The following ABTB3 variants were observed in gnomAD, a reference collection of about 807,000 sequenced individuals.
The protein encoded by ABTB3 is ankyrin repeat- and BTB/POZ domain-containing protein 3.
chr12:107,323,089 G>A, the ABTB3 span, among the ~76,000 whole-genome samples: 1 of 152,194 alleles, frequency 6.6e-6, no homozygotes, highest in Non-Finnish European at 1.5e-5. Flanking sequence ...ATGATGTCCT[G>A]AAAGAAGCTA....
At chr12:107,331,638 G>C in the ABTB3 span, among the ~76,000 whole-genome samples, 1 of 152,196 alleles carries the variant, frequency 6.6e-6, no homozygotes, top group Non-Finnish European at 1.5e-5. Context: ...AGTGTGATCT[G>C]TGCACAGGTG....
At chr12:107,545,823 C>T in the ABTB3 span, among the ~76,000 whole-genome samples, 9 of 152,200 alleles carry the variant, frequency 5.9e-5, no homozygotes, top group Non-Finnish European at 8.8e-5. Flanking sequence ...TGGCCTCAGC[C>T]TATGGAGTGT....
the ABTB3 span, among the ~76,000 whole-genome samples, chr12:107,603,196 C>T: frequency 6.6e-6 from 1 of 152,196 alleles, no homozygotes; most frequent in Non-Finnish European, 1.5e-5. Flanking sequence ...TCTGGAAAGA[C>T]TGTATGGGGC....
At chr12:107,527,296 A>T in the ABTB3 span, among the ~76,000 whole-genome samples, 3 of 151,414 alleles carry the variant, frequency 2.0e-5, no homozygotes, top group African/African-American at 4.9e-5. Flanking sequence ...TTTGAGACGG[A>T]GTCTCACTGT....
the ABTB3 span, among the ~76,000 whole-genome samples, chr12:107,528,203 G>A: frequency 6.6e-6 from 1 of 152,186 alleles, no homozygotes; most frequent in African/African-American, 2.4e-5. Context: ...AGATGATCCT[G>A]AGTCAGGTAG....
chr12:107,642,064 T>TA, the ABTB3 span: 311 of 1,604,918 alleles, frequency 1.9e-4, 3 homozygotes, highest in Middle Eastern at 1.7e-4. Context: ...GAGTCTTTTT[T>TA]ATCTCTTTTT....
At chr12:107,594,612 C>A in the ABTB3 span, among the ~76,000 whole-genome samples, 1 of 152,090 alleles carries the variant, frequency 6.6e-6, no homozygotes, top group Non-Finnish European at 1.5e-5. Context: ...ATTTGTTCAT[C>A]TTTTTGCTAC....
chr12:107,363,443 A>C, the ABTB3 span, among the ~76,000 whole-genome samples: 1,022 of 152,352 alleles, frequency 6.7e-3, 9 homozygotes, highest in African/African-American at 0.023. Flanking sequence ...CTGTTAAAGA[A>C]ATAATTTTTG....
chr12:107,368,927 T>A, the ABTB3 span, among the ~76,000 whole-genome samples: 1 of 152,210 alleles, frequency 6.6e-6, no homozygotes, highest in Non-Finnish European at 1.5e-5. Context: ...AGACCATTTT[T>A]CTATTGCATT....
At chr12:107,559,749 C>T in the ABTB3 span, among the ~76,000 whole-genome samples, 1 of 152,136 alleles carries the variant, frequency 6.6e-6, no homozygotes, top group Admixed American at 6.6e-5. Flanking sequence ...GTATACAGTT[C>T]CCTGGATTTT....
At chr12:107,374,274 T>C in the ABTB3 span, among the ~76,000 whole-genome samples, 1 of 152,190 alleles carries the variant, frequency 6.6e-6, no homozygotes, top group East Asian at 1.9e-4. Flanking sequence ...TTACAGCCCC[T>C]GCCTGACTTC....
chr12:107,322,834 G>A, the ABTB3 span, among the ~76,000 whole-genome samples: 1 of 150,998 alleles, frequency 6.6e-6, no homozygotes, highest in Non-Finnish European at 1.5e-5. Flanking sequence ...ACTCTTTAGT[G>A]ACAGATGAGT....
chr12:107,649,233 G>T, the ABTB3 span: 12 of 1,613,650 alleles, frequency 7.4e-6, no homozygotes, highest in Non-Finnish European at 9.3e-6. Context: ...CTACTATGGT[G>T]GCCCAGAGTC....
chr12:107,507,752 T>C, the ABTB3 span, among the ~76,000 whole-genome samples: 2 of 152,168 alleles, frequency 1.3e-5, no homozygotes, highest in Non-Finnish European at 2.9e-5. Flanking sequence ...TCCCTCCAGT[T>C]TGGACTTCCC....
the ABTB3 span, among the ~76,000 whole-genome samples, chr12:107,635,645 A>G: frequency 6.6e-6 from 1 of 152,116 alleles, no homozygotes; most frequent in African/African-American, 2.4e-5. Context: ...GGGGGCTGCC[A>G]AAGGCCTCCT....
At chr12:107,356,243 A>G in the ABTB3 span, among the ~76,000 whole-genome samples, 1 of 152,204 alleles carries the variant, frequency 6.6e-6, no homozygotes, top group Non-Finnish European at 1.5e-5. Flanking sequence ...TCATCTTAGT[A>G]TCCTTACCAC....
the ABTB3 span, among the ~76,000 whole-genome samples, chr12:107,340,562 G>A: frequency 6.6e-6 from 1 of 152,062 alleles, no homozygotes; most frequent in African/African-American, 2.4e-5. Context: ...CTGGAGGTGG[G>A]GAAGGGAAAA....
the ABTB3 span, among the ~76,000 whole-genome samples, chr12:107,411,035 C>T: frequency 5.9e-5 from 9 of 152,290 alleles, no homozygotes; most frequent in South Asian, 4.1e-4. Flanking sequence ...CTTGGTGGCT[C>T]ATGCCCGTAA....
At chr12:107,480,425 A>G in the ABTB3 span, among the ~76,000 whole-genome samples, 5 of 152,274 alleles carry the variant, frequency 3.3e-5, no homozygotes, top group African/African-American at 1.2e-4. Context: ...AGGTCATTGG[A>G]TTTGATGATG....
Sources: allele counts gnomAD v4.1 joint callset (sites outside exome capture counted in the v4.1 genomes callset), GRCh38; gene constraint gnomAD v4.1.1; transcripts MANE v1.5; gene names NCBI Gene and HGNC (gene_info 2026-07-23, HGNC 2026-07-21).